Variants in BCL2 observed in about 807,000 individuals in gnomAD.
BCL2 encodes the protein BCL2 apoptosis regulator, also known as apoptosis regulator Bcl-2.
In BCL2, 1 loss-of-function variant was observed where a neutral mutation model predicts 14.2. The ratio of observed to expected loss-of-function variants is 0.07; its 90% confidence interval spans 0.02 to 0.33. The LOEUF (loss-of-function observed/expected upper bound fraction) is 0.33. BCL2 is among the 10% of genes least tolerant of loss of function. The pLI, the probability that BCL2 is intolerant of heterozygous loss-of-function variation, is 0.99. For missense variants in BCL2, 247 were observed against 305.9 expected, an observed-to-expected ratio of 0.81 and a Z score of 1.44; for synonymous variants, 151 against 137.2, an observed-to-expected ratio of 1.10 and a Z score of -0.70.
intron 2 of BCL2, among the ~76,000 whole-genome samples, chr18:63,137,975 C>G (rs1195631679): frequency 1.3e-5 from 2 of 152,166 alleles, no homozygotes; most frequent in East Asian, 3.8e-4. Context: ...TAGATTCCAC[C>G]AAGAGGGCTG....
intron 2 of BCL2, among the ~76,000 whole-genome samples, chr18:63,200,122 T>C (rs1177408698): frequency 6.6e-6 from 1 of 152,170 alleles, no homozygotes; most frequent in Non-Finnish European, 1.5e-5. Flanking sequence ...CTCACAGATA[T>C]GACAGGGTGA....
chr18:63,175,797 T>C (rs1915336784), intron 2 of BCL2, among the ~76,000 whole-genome samples: 2 of 152,202 alleles, frequency 1.3e-5, no homozygotes, highest in Non-Finnish European at 2.9e-5. Flanking sequence ...AGACAATCTA[T>C]TTAGACACCT....
chr18:63,126,642 C>T lies in BCL2; in HGVS notation c.*1983G>A, dbSNP rs937427397. The T allele has an allele frequency of 4.4e-6, 1 of 228,258 alleles. No homozygotes were observed. Among genetic ancestry groups the T allele is most frequent in the African/African-American group, 2.2e-5 (1 of 45,060 alleles). The allele number at this position is 228,258 out of a possible 1,614,324, so 14.1% of individuals were successfully genotyped here. ...AAAGCTCCTCAGTGGCCAGTGACAT[C>T]CAGGTTTTTCTTAGGTAGCTGAGAC... On this transcript the variant is annotated 3_prime_UTR_variant, in exon 3 of 3. Coordinates refer to ENST00000333681, the MANE Select transcript of BCL2 (RefSeq NM_000633.3).
intron 2 of BCL2, among the ~76,000 whole-genome samples, chr18:63,237,005 G>T (rs576076224): frequency 3.9e-5 from 6 of 151,924 alleles, no homozygotes; most frequent in Non-Finnish European, 8.8e-5. Context: ...TTATTTGCAC[G>T]TGGTTTTGAG....
intron 2 of BCL2, among the ~76,000 whole-genome samples, chr18:63,223,830 G>A (rs1403689750): frequency 6.6e-6 from 1 of 152,184 alleles, no homozygotes; most frequent in East Asian, 1.9e-4. Context: ...CATCCTCAGA[G>A]CTTTCAATAC....
At chr18:63,202,899 A>G (rs1190489761) in intron 2 of BCL2, among the ~76,000 whole-genome samples, 1 of 152,148 alleles carries the variant, frequency 6.6e-6, no homozygotes, top group Non-Finnish European at 1.5e-5. Flanking sequence ...GAATTCTATA[A>G]TATAGCTTAA....
rs911588676 is a variant in BCL2 at position 63,124,575 on chromosome 18, T to G, written c.*4050A>C. On this transcript the variant is annotated 3_prime_UTR_variant, in exon 3 of 3. Transcript: ENST00000333681. ...CAACTCCCTGATCCAAACTTGGGAA[T>G]GTTTTACATTTAAAAATTCTTCCTC... 1 of 232,478 alleles carries G rather than the reference T, an allele frequency of 4.3e-6. No homozygotes were observed. Among genetic ancestry groups the G allele is most frequent in the East Asian group, 6.0e-5 (1 of 16,570 alleles). 14.4% of individuals were successfully genotyped at this position (232,478 alleles called of 1,614,324 possible).
intron 2 of BCL2, among the ~76,000 whole-genome samples, chr18:63,213,705 T>A (rs1165645883): frequency 6.6e-6 from 1 of 152,236 alleles, no homozygotes; most frequent in African/African-American, 2.4e-5. Flanking sequence ...AATGATGAAA[T>A]CACACTCCAG....
intron 2 of BCL2, among the ~76,000 whole-genome samples, chr18:63,282,260 C>A (rs531628309): frequency 6.6e-6 from 1 of 152,202 alleles, no homozygotes; most frequent in East Asian, 1.9e-4. Flanking sequence ...ACAGGTCACT[C>A]TTTGATGATG....
At chr18:63,288,041 T>C (rs145020346) in intron 2 of BCL2, among the ~76,000 whole-genome samples, 2 of 152,284 alleles carry the variant, frequency 1.3e-5, no homozygotes, top group East Asian at 3.9e-4. Context: ...AGTTGATGAG[T>C]TCATTTTGGA....
At chr18:63,168,653 C>T (rs573171033) in intron 2 of BCL2, among the ~76,000 whole-genome samples, 1 of 152,306 alleles carries the variant, frequency 6.6e-6, no homozygotes, top group Non-Finnish European at 1.5e-5. Flanking sequence ...TTTCCAATGC[C>T]TAAAGCTTCT....
chr18:63,183,700 G>A (rs181695223), intron 2 of BCL2, among the ~76,000 whole-genome samples: 50 of 152,312 alleles, frequency 3.3e-4, no homozygotes, highest in African/African-American at 1.0e-3. Context: ...ACACGCCATC[G>A]CCTTCTGCAT....
intron 2 of BCL2, among the ~76,000 whole-genome samples, chr18:63,136,384 G>A (rs1412929949): frequency 6.6e-6 from 1 of 152,022 alleles, no homozygotes; most frequent in African/African-American, 2.4e-5. Flanking sequence ...CTTCAACCTG[G>A]CTATGGCATC....
intron 2 of BCL2, among the ~76,000 whole-genome samples, chr18:63,199,264 C>T (rs1757760806): frequency 1.3e-5 from 2 of 148,808 alleles, no homozygotes; most frequent in African/African-American, 5.0e-5. Flanking sequence ...GACAAATGCA[C>T]ACACACAACA....
chr18:63,285,504 T>G (rs913518147), intron 2 of BCL2, among the ~76,000 whole-genome samples: 8 of 152,210 alleles, frequency 5.3e-5, no homozygotes, highest in African/African-American at 1.7e-4. Context: ...AGCTGCAAAC[T>G]GCACCCTCCC....
chr18:63,174,742 C>G (rs1487628200), intron 2 of BCL2, among the ~76,000 whole-genome samples: 2 of 150,694 alleles, frequency 1.3e-5, no homozygotes, highest in Admixed American at 1.3e-4. Flanking sequence ...ATTGCTTGAA[C>G]CCAGGAGGCG....
At chr18:63,167,677 C>T (rs1915077656) in intron 2 of BCL2, among the ~76,000 whole-genome samples, 1 of 152,094 alleles carries the variant, frequency 6.6e-6, no homozygotes, top group African/African-American at 2.4e-5. Context: ...TCTGTAATCC[C>T]AGCATATGGG....
chr18:63,287,224 A>G (rs1163037478), intron 2 of BCL2, among the ~76,000 whole-genome samples: 1 of 152,082 alleles, frequency 6.6e-6, no homozygotes, highest in African/African-American at 2.4e-5. Context: ...TCAGGAACCA[A>G]CCTCCTTAGA....
chr18:63,179,595 C>A (rs1025127442), intron 2 of BCL2, among the ~76,000 whole-genome samples: 1 of 152,056 alleles, frequency 6.6e-6, no homozygotes, highest in Non-Finnish European at 1.5e-5. Context: ...TGTTGCGGTG[C>A]GGAAGGCAGG....
Sources: allele counts gnomAD v4.1 joint callset (sites outside exome capture counted in the v4.1 genomes callset), GRCh38; gene constraint gnomAD v4.1.1; transcripts MANE v1.5; gene names NCBI Gene and HGNC (gene_info 2026-07-23, HGNC 2026-07-21).